The following LMX1A variants were observed in gnomAD, a reference collection of about 807,000 sequenced individuals.
LMX1A encodes the protein LIM homeobox transcription factor 1 alpha, also known as LIM homeobox transcription factor 1-alpha.
In LMX1A, 15 loss-of-function variants were observed where a neutral mutation model predicts 49.1. That is an observed-to-expected ratio of 0.31 (90% CI 0.20 to 0.47). The LOEUF (loss-of-function observed/expected upper bound fraction) is 0.47. LMX1A is among the 20% of genes least tolerant of loss of function. The pLI is 1.00. For synonymous variants in LMX1A, 167 were observed against 185.7 expected, an observed-to-expected ratio of 0.90 and a Z score of 0.82; for missense variants, 372 against 475.8, an observed-to-expected ratio of 0.78 and a Z score of 2.03.
chr1:165,209,922 A>G (rs1444103429), intron 6 of LMX1A, among the ~76,000 whole-genome samples: 1 of 152,200 alleles, frequency 6.6e-6, no homozygotes, highest in African/African-American at 2.4e-5. Context: ...CAACCTGTGA[A>G]ATCTGACACT....
chr1:165,224,057 C>A (rs1197839585), intron 4 of LMX1A, among the ~76,000 whole-genome samples: 1 of 152,154 alleles, frequency 6.6e-6, no homozygotes, highest in East Asian at 1.9e-4. Context: ...ATCATGGGGG[C>A]AGTTTCTCAT....
intron 3 of LMX1A, among the ~76,000 whole-genome samples, chr1:165,254,687 TA>T (rs1653173608): frequency 6.6e-6 from 1 of 152,114 alleles, no homozygotes; most frequent in Non-Finnish European, 1.5e-5. Flanking sequence ...AGGTCATAAT[TA>T]AAACACAGCC....
At chr1:165,256,919 G>A (rs925633554) in intron 3 of LMX1A, among the ~76,000 whole-genome samples, 6 of 151,898 alleles carry the variant, frequency 4.0e-5, no homozygotes, top group African/African-American at 1.2e-4. Context: ...ACAACACACC[G>A]AGACACCCTA....
At chr1:165,254,891 C>G (rs988813711) in intron 3 of LMX1A, among the ~76,000 whole-genome samples, 1 of 152,198 alleles carries the variant, frequency 6.6e-6, no homozygotes, top group East Asian at 1.9e-4. Context: ...ATAAATTCTC[C>G]TACCCCTGAA....
chr1:165,222,807 C>G (rs569310707), intron 4 of LMX1A, among the ~76,000 whole-genome samples: 1 of 152,142 alleles, frequency 6.6e-6, no homozygotes, highest in East Asian at 1.9e-4. Flanking sequence ...CATACCCAGC[C>G]GGGTCTATGC....
intron 3 of LMX1A, among the ~76,000 whole-genome samples, chr1:165,332,506 A>T (rs913492246): frequency 6.6e-6 from 1 of 152,202 alleles, no homozygotes; most frequent in Admixed American, 6.5e-5. Context: ...AAGTCCAATG[A>T]TTCCACATGT....
intron 3 of LMX1A, among the ~76,000 whole-genome samples, chr1:165,284,977 G>A (rs1262659597): frequency 4.6e-5 from 7 of 152,218 alleles, no homozygotes; most frequent in Admixed American, 4.6e-4. Context: ...CTCTATCTGT[G>A]AAATGGGTTG....
At chr1:165,234,344 C>T (rs1652350496) in intron 4 of LMX1A, among the ~76,000 whole-genome samples, 1 of 152,166 alleles carries the variant, frequency 6.6e-6, no homozygotes, top group African/African-American at 2.4e-5. Context: ...ATTGTGAAAC[C>T]TTTTCTAAAT....
intron 3 of LMX1A, among the ~76,000 whole-genome samples, chr1:165,262,057 TA>T (rs925580434): frequency 2.4e-4 from 37 of 152,276 alleles, no homozygotes; most frequent in African/African-American, 7.9e-4. Flanking sequence ...TTTTTAAAAA[TA>T]AAAAATTATA....
chr1:165,282,176 T>G (rs1212617272), intron 3 of LMX1A, among the ~76,000 whole-genome samples: 1 of 152,218 alleles, frequency 6.6e-6, no homozygotes, highest in Non-Finnish European at 1.5e-5. Flanking sequence ...CAATACCACC[T>G]ATAGCCTGAT....
intron 4 of LMX1A, among the ~76,000 whole-genome samples, chr1:165,246,813 C>T (rs1052040025): frequency 6.6e-6 from 1 of 152,204 alleles, no homozygotes; most frequent in African/African-American, 2.4e-5. Context: ...TCATTCTTGT[C>T]ATTCATATTT....
chr1:165,220,651 G>C (rs537288714), intron 4 of LMX1A, among the ~76,000 whole-genome samples: 1 of 152,368 alleles, frequency 6.6e-6, no homozygotes, highest in Admixed American at 6.5e-5. Context: ...AGGGAGGAAA[G>C]GAACAGGCTG....
At chr1:165,252,371 C>A (rs1653092063) in intron 3 of LMX1A, among the ~76,000 whole-genome samples, 1 of 152,156 alleles carries the variant, frequency 6.6e-6, no homozygotes, top group Admixed American at 6.5e-5. Context: ...TTCAGGGCAA[C>A]CTATGAAAAA....
At chr1:165,263,672 A>G (rs1653518589) in intron 3 of LMX1A, among the ~76,000 whole-genome samples, 1 of 152,160 alleles carries the variant, frequency 6.6e-6, no homozygotes, top group Non-Finnish European at 1.5e-5. Flanking sequence ...TTATCCTACT[A>G]CCTAAATCAG....
At position 165,240,985 on chromosome 1, in the gene LMX1A, C is replaced by T. The variant is rs188075313; in HGVS notation, c.496+8423G>A. Among the ~76,000 whole-genome samples, 9 of 152,314 alleles carry T rather than the reference C, an allele frequency of 5.9e-5. No homozygotes were observed. The South Asian group carries it at 8.3e-4, about 14-fold the overall frequency. On this transcript the variant is annotated intron_variant, in intron 4 of 8. Transcript: ENST00000342310. ...CTGGTCTATTAAAGAAAGGTAGCTA[C>T]GTTTGATAAATCCTTCCCATTCTTG...
chr1:165,206,582 A>G (rs538984447), intron 7 of LMX1A, among the ~76,000 whole-genome samples: 203 of 152,272 alleles, frequency 1.3e-3, no homozygotes, highest in Middle Eastern at 6.8e-3. Context: ...CTTTAGAATT[A>G]TTTAAACTAA....
chr1:165,245,698 T>C (rs1158017722), intron 4 of LMX1A, among the ~76,000 whole-genome samples: 1 of 151,964 alleles, frequency 6.6e-6, no homozygotes, highest in Non-Finnish European at 1.5e-5. Flanking sequence ...TAATGCAGCA[T>C]GTCTTTTTGG....
chr1:165,355,615 C>T lies in LMX1A; in HGVS notation c.-22-34G>A. On this transcript the variant is annotated intron_variant, in intron 1 of 8. Coordinates refer to ENST00000342310, the MANE Select transcript of LMX1A (RefSeq NM_177398.4). The surrounding 1 kb of genome is among the most constrained non-coding windows in gnomAD (Gnocchi z 4.7). ...GAGAAGAAACGATGCGTCTGACGTC[C>T]GTGCCCGCTGGGACTCGGCGCCAGC... is the stretch of plus-strand genomic sequence containing the variant. The T allele has an allele frequency of 6.4e-7, 1 of 1,550,560 alleles. No homozygotes were observed. The highest frequency in any genetic ancestry group is 8.8e-7 in the Non-Finnish European group (1 of 1,130,568).
At chr1:165,337,617 A>G (rs1655934277) in intron 3 of LMX1A, among the ~76,000 whole-genome samples, 1 of 152,140 alleles carries the variant, frequency 6.6e-6, no homozygotes, top group African/African-American at 2.4e-5. Context: ...TGCATTCCCT[A>G]TTGCAGAGCT....
Sources: gnomAD v4.1 joint callset for allele counts (sites outside exome capture counted in the v4.1 genomes callset) on GRCh38, gnomAD v4.1.1 for gene constraint, Gnocchi (gnomAD v3.1) non-coding constraint, MANE v1.5 for transcripts, NCBI Gene and HGNC (gene_info 2026-07-23, HGNC 2026-07-21) for gene names.